The following ERC1 variants were observed in gnomAD, a reference collection of about 807,000 sequenced individuals.
ERC1 encodes the protein ELKS/RAB6-interacting/CAST family member 1, also known as RAB6 interacting protein 2.
In ERC1, 56 loss-of-function variants were observed where a neutral mutation model predicts 132.0. That is an observed-to-expected ratio of 0.42 (90% CI 0.34 to 0.53). The LOEUF is 0.53. Ranked by LOEUF, ERC1 falls within the 20% of genes least tolerant of loss-of-function variation. ERC1 has a pLI of 0.03. For synonymous variants in ERC1, 478 were observed against 476.1 expected (o/e 1.00, Z -0.05); for missense variants, 1,202 against 1,349.9 (o/e 0.89, Z 1.72).
intron 13 of ERC1, among the ~76,000 whole-genome samples, chr12:1,246,922 A>G (rs750911597): frequency 2.0e-5 from 3 of 152,254 alleles, no homozygotes; most frequent in Non-Finnish European, 2.9e-5. Flanking sequence ...GGGAAATGTC[A>G]GCTAAATGAA....
rs538100899 is a variant in ERC1 at position 1,173,626 on chromosome 12, ACT to A, written c.1738-6909_1738-6908del. ...GGGTACTTGAATTAGTATAGAATAGACTCTCTGCTGAATATTTTATAAAAATG... is the reference window on the plus strand; with the variant it reads ...GGGTACTTGAATTAGTATAGAATAGACTCTGCTGAATATTTTATAAAAATG... On this transcript the variant is annotated intron_variant, in intron 8 of 18. Transcript: ENST00000360905. Among the ~76,000 whole-genome samples, 708 of 152,254 alleles carry A rather than the reference ACT, an allele frequency of 4.7e-3. 4 individuals carry two copies. Among genetic ancestry groups the A allele is most frequent in the Middle Eastern group, 0.01 (3 of 294 alleles).
intron 1 of ERC1, among the ~76,000 whole-genome samples, chr12:1,004,113 C>G (rs1963002054): frequency 6.6e-6 from 1 of 152,148 alleles, no homozygotes; most frequent in Non-Finnish European, 1.5e-5. Context: ...GGGAGGATCA[C>G]AGGGCATTCC....
chr12:1,440,597 C>CTT (rs1393877518), intron 17 of ERC1, among the ~76,000 whole-genome samples: 6 of 111,650 alleles, frequency 5.4e-5, no homozygotes, highest in African/African-American at 2.6e-4. Context: ...CTGCCTCAGC[C>CTT]TTTTGTGTGT....
intron 16 of ERC1, among the ~76,000 whole-genome samples, chr12:1,372,554 C>A (rs1357686814): frequency 6.6e-6 from 1 of 152,292 alleles, no homozygotes; most frequent in Non-Finnish European, 1.5e-5. Flanking sequence ...ACTTAAAAAT[C>A]GTTAAAATGG....
intron 18 of ERC1, among the ~76,000 whole-genome samples, chr12:1,465,705 C>T (rs2093729020): frequency 6.6e-6 from 1 of 152,022 alleles, no homozygotes. Flanking sequence ...CCCCGCTTCC[C>T]CTAGAGAGGT....
intron 8 of ERC1, among the ~76,000 whole-genome samples, chr12:1,158,883 A>G (rs1951641080): frequency 6.6e-6 from 1 of 152,126 alleles, no homozygotes; most frequent in South Asian, 2.1e-4. Context: ...TTTATATTTT[A>G]AAAACCATTT....
intron 16 of ERC1, among the ~76,000 whole-genome samples, chr12:1,376,700 C>A (rs185790057): frequency 6.6e-6 from 1 of 152,252 alleles, no homozygotes; most frequent in East Asian, 1.9e-4. Flanking sequence ...TGTGAAGATT[C>A]CAGATGGTTG....
At chr12:1,236,991 CTCT>C in intron 13 of ERC1, 87 bp downstream of exon 13, 1 of 1,461,974 alleles carries the variant, frequency 6.8e-7, no homozygotes, top group Non-Finnish European at 9.4e-7. Context: ...CTTTATCCTC[CTCT>C]TTTTTCTCTT....
chr12:1,123,969 G>A (rs931291143), intron 7 of ERC1, among the ~76,000 whole-genome samples: 5 of 152,174 alleles, frequency 3.3e-5, no homozygotes, highest in Non-Finnish European at 7.4e-5. Context: ...GGGTGACAGC[G>A]CAAGATTCTG....
rs1394810692 is a variant in ERC1 at position 1,464,758 on chromosome 12, G to A, written c.3213+20008G>A. Among the ~76,000 whole-genome samples, 8 of 151,714 alleles carry A rather than the reference G, an allele frequency of 5.3e-5. No individual in the cohort carries two copies. The East Asian group carries it at 5.8e-4, about 11-fold the overall frequency. ...GGTGGTCTCGATCTCTTGACCTCACGATCTGCCCACCTCAGCCTCCCAAAG... is the reference window on the plus strand; with the variant it reads ...GGTGGTCTCGATCTCTTGACCTCACAATCTGCCCACCTCAGCCTCCCAAAG... On this transcript the variant is annotated intron_variant, in intron 18 of 18. Coordinates refer to ENST00000360905, the MANE Select transcript of ERC1 (RefSeq NM_178040.4).
At chr12:1,427,604 G>A (rs1039835919) in intron 17 of ERC1, among the ~76,000 whole-genome samples, 7 of 151,928 alleles carry the variant, frequency 4.6e-5, no homozygotes, top group African/African-American at 1.7e-4. Context: ...ATTATTTTGA[G>A]GGCCTTTTAA....
intron 8 of ERC1, among the ~76,000 whole-genome samples, chr12:1,175,567 A>G (rs1474169476): frequency 2.1e-5 from 3 of 142,804 alleles, no homozygotes; most frequent in African/African-American, 7.8e-5. Flanking sequence ...GAGTTTTGCT[A>G]TTGTTGCCCG....
chr12:1,434,490 C>T (rs1592032814), intron 17 of ERC1, among the ~76,000 whole-genome samples: 1 of 152,154 alleles, frequency 6.6e-6, no homozygotes, highest in Non-Finnish European at 1.5e-5. Context: ...CTTCTGTGGC[C>T]GCTTGCTGGC....
At position 1,485,095 on chromosome 12, in the gene ERC1, C is replaced by T. The variant is rs142120922; in HGVS notation, c.3214-4998C>T. The stretch of plus-strand genomic sequence containing the variant: ...GTAGAGATGGGGTCTCGCTGTGTTG[C>T]GCAGGCTGGTCTTGAACTCCTAGGC... On this transcript the variant is annotated intron_variant, in intron 18 of 18. Transcript: ENST00000360905. Among the ~76,000 whole-genome samples the T allele has an allele frequency of 4.5e-3, 681 of 150,716 alleles. 25 individuals are homozygous for T. The East Asian group carries it at 0.094, about 21-fold the overall frequency.
rs1433789721 is a variant in ERC1 at position 1,306,563 on chromosome 12, G to A, written c.2780+16551G>A. ...AGAGTTCATGTAGCTAAACCCCTCAGTGCTTCAATTTAAGACATCGGGAGA... is the reference window on the plus strand; with the variant it reads ...AGAGTTCATGTAGCTAAACCCCTCAATGCTTCAATTTAAGACATCGGGAGA... On this transcript the variant is annotated intron_variant, in intron 15 of 18. Transcript: ENST00000360905. 2.0e-5 allele frequency among the ~76,000 whole-genome samples: 3 copies of A among 152,290 alleles called. No individual in the cohort carries two copies. In the East Asian group the frequency reaches 5.8e-4, roughly 29 times the overall value.
Position 1,180,616 on chromosome 12 carries a change from A to C in ERC1, c.1814A>C (p.Gln605Pro). The part of the protein sequence containing the change: ...SSLKERVKSL[Q>P]ADTTNTDTAL... ...TTGAAAGAACGGGTCAAATCCTTGCAGGCTGACACCACCAACACTGACACT... is the reference window on the plus strand; with the variant it reads ...TTGAAAGAACGGGTCAAATCCTTGCCGGCTGACACCACCAACACTGACACT... Residue 605 changes from glutamine to proline, a missense_variant, in exon 9 of 19, where the codon CAG becomes CCG. Transcript: ENST00000360905. 1 of 1,614,122 alleles carries C rather than the reference A, an allele frequency of 6.2e-7. No homozygotes were observed. The highest frequency in any genetic ancestry group is 8.5e-7 in the Non-Finnish European group (1 of 1,180,044).
At chr12:1,183,235 A>AT (rs79369483) in intron 10 of ERC1, 46 bp from the exon 11 acceptor site, 71 of 774,046 alleles carry the variant, frequency 9.2e-5, no homozygotes, top group East Asian at 8.5e-4. Context: ...TTAAACCTCT[A>AT]TTTTTTTTAA....
chr12:1,115,817 G>A (rs780104473), intron 6 of ERC1, 49 bp from the exon 7 acceptor site: 447 of 1,483,640 alleles, frequency 3.0e-4, no homozygotes, highest in Non-Finnish European at 3.7e-4. Flanking sequence ...CAGATAAGAG[G>A]TGTTTGTTTT....
At chr12:1,262,604 T>C (rs114406678) in intron 13 of ERC1, among the ~76,000 whole-genome samples, 1 of 152,228 alleles carries the variant, frequency 6.6e-6, no homozygotes, top group African/African-American at 2.4e-5. Flanking sequence ...ATGATGCTGC[T>C]TACTGCACTT....
Sources: allele counts gnomAD v4.1 joint callset (sites outside exome capture counted in the v4.1 genomes callset), GRCh38; gene constraint gnomAD v4.1.1; transcripts MANE v1.5; gene names NCBI Gene and HGNC (gene_info 2026-07-23, HGNC 2026-07-21).